Variants in STMND1 observed in about 807,000 individuals in gnomAD.
The protein encoded by STMND1 is stathmin domain-containing protein 1.
In STMND1, 17 loss-of-function variants were observed where a neutral mutation model predicts 23.0. The observed-to-expected ratio is 0.74, with a 90% CI of 0.51 to 1.11. STMND1 has a LOEUF of 1.11. STMND1 is among the 50% of genes least tolerant of loss of function. The probability of loss-of-function intolerance (pLI) is 0.00; values close to 1 mark genes in which losing one functional copy is unlikely to be tolerated. For synonymous variants in STMND1, 114 were observed against 119.9 expected, an observed-to-expected ratio of 0.95 and a Z score of 0.32; for missense variants, 305 against 329.1, an observed-to-expected ratio of 0.93 and a Z score of 0.57.
intron 3 of STMND1, 109 bp from the exon 4 acceptor site, chr6:17,129,003 G>T: frequency 8.4e-7 from 1 of 1,195,572 alleles, no homozygotes; most frequent in Non-Finnish European, 1.1e-6. Context: ...ATGAGCCACT[G>T]CACCCAGACT....
At chr6:17,127,494 G>A (rs947880666) in intron 3 of STMND1, among the ~76,000 whole-genome samples, 1 of 152,180 alleles carries the variant, frequency 6.6e-6, no homozygotes, top group Admixed American at 6.5e-5. Flanking sequence ...AGGTTGCAGT[G>A]AGCCAAGATC....
At chr6:17,115,372 T>TAAAAAAAAAAAAAAAAAAAAAAA (rs75171969) in intron 2 of STMND1, among the ~76,000 whole-genome samples, 1 of 116,102 alleles carries the variant, frequency 8.6e-6, no homozygotes, top group African/African-American at 3.3e-5. Context: ...GGACCATCTT[T>TAAAAAAAAAAAAAAAAAAAAAAA]AAAAAAAAAA....
intron 2 of STMND1, among the ~76,000 whole-genome samples, chr6:17,119,862 T>G (rs776450459): frequency 6.6e-6 from 1 of 152,204 alleles, no homozygotes. Context: ...AAAACTGTCT[T>G]TGGCCCAACA....
chr6:17,126,571 T>TA (rs1761309690), intron 3 of STMND1, among the ~76,000 whole-genome samples: 1 of 152,198 alleles, frequency 6.6e-6, no homozygotes, highest in Admixed American at 6.5e-5. Context: ...TGAACATCCC[T>TA]AAAAAATCAT....
chr6:17,120,082 G>T (rs1417674789), intron 2 of STMND1, among the ~76,000 whole-genome samples: 3 of 152,184 alleles, frequency 2.0e-5, no homozygotes, highest in African/African-American at 7.2e-5. Context: ...TTGGTTCAAA[G>T]ACTCTTTTCA....
chr6:17,130,303 GC>G (rs569015482), intron 4 of STMND1, among the ~76,000 whole-genome samples: 113 of 152,144 alleles, frequency 7.4e-4, no homozygotes, highest in African/African-American at 2.7e-3. Flanking sequence ...TTCACCAAGG[GC>G]CCCCACAGCC....
intron 2 of STMND1, among the ~76,000 whole-genome samples, chr6:17,116,129 C>T (rs568440738): frequency 5.3e-5 from 8 of 152,154 alleles, no homozygotes; most frequent in African/African-American, 1.9e-4. Context: ...GACTGCAGAG[C>T]GTCAGGCAGA....
At chr6:17,129,605 G>A (rs1761359123) in intron 4 of STMND1, among the ~76,000 whole-genome samples, 1 of 152,018 alleles carries the variant, frequency 6.6e-6, no homozygotes. Flanking sequence ...AGCACTTTGG[G>A]AGGCCGAGGC....
chr6:17,114,560 C>T (rs935456375), intron 1 of STMND1, among the ~76,000 whole-genome samples: 4 of 152,232 alleles, frequency 2.6e-5, no homozygotes, highest in African/African-American at 9.6e-5. Flanking sequence ...GCCACTGCGC[C>T]CGGCCACATT....
Position 17,131,209 on chromosome 6 carries a change from T to C in STMND1, c.*328T>C, listed in dbSNP as rs1761388629. 4.4e-6 allele frequency: 1 copy of C among 226,254 alleles called. No homozygotes were observed. The highest frequency in any genetic ancestry group is 2.3e-5 in the African/African-American group (1 of 44,220). 14.0% of individuals were successfully genotyped at this position (226,254 alleles called of 1,614,324 possible). A position where few individuals can be genotyped will look rare whatever the true frequency, so the allele number is the denominator to read the frequency against. On this transcript the variant is annotated 3_prime_UTR_variant, in exon 5 of 5. Coordinates refer to ENST00000536551, the MANE Select transcript of STMND1 (RefSeq NM_001190766.2). ...AATAAGTTCGTGCCAAATGAAATCC[T>C]TCCTGTTTACTCCTGCCTTGTGGCG...
At position 17,120,650 on chromosome 6, in the gene STMND1, G is replaced by A. The variant is rs1189840096; in HGVS notation, c.303G>A (p.Glu101=). ...NGLINKPQSL[E]SRERQKSSDI... ...TAATCAATAAACCCCAATCCCTAGAGAGTCGAGAGCGACAGAAGTCATCAG... is the reference window on the plus strand; with the variant it reads ...TAATCAATAAACCCCAATCCCTAGAAAGTCGAGAGCGACAGAAGTCATCAG... Residue 101 remains glutamate, a synonymous_variant, in exon 3 of 5, where the codon GAG becomes GAA. Coordinates refer to ENST00000536551, the MANE Select transcript of STMND1 (RefSeq NM_001190766.2). The A allele has an allele frequency of 8.5e-6, 13 of 1,535,048 alleles. No homozygotes were observed. The highest frequency in any genetic ancestry group is 1.1e-5 in the Non-Finnish European group (13 of 1,146,456).
chr6:17,129,267 G>C lies in STMND1; in HGVS notation c.543+24G>C, dbSNP rs1216162662. ...AGGTAGTGAGCTCTCAGATGCTCTA[G>C]GCTTGAGGAGTTCGCTGTCTGTTAA... On this transcript the variant is annotated intron_variant, in intron 4 of 4. Coordinates refer to ENST00000536551, the MANE Select transcript of STMND1 (RefSeq NM_001190766.2). 2.6e-6 allele frequency: 4 copies of C among 1,531,614 alleles called. No individual in the cohort carries two copies. The South Asian group carries it at 4.8e-5, about 18-fold the overall frequency. The allele number at this position is 1,531,614 out of a possible 1,614,324, so 94.9% of individuals were successfully genotyped here.
chr6:17,109,567 G>C (rs138407213), intron 1 of STMND1, among the ~76,000 whole-genome samples: 1,820 of 152,234 alleles, frequency 0.012, 40 homozygotes, highest in African/African-American at 0.042. Context: ...TTCATGACAA[G>C]GCCTTATTTT....
At chr6:17,117,039 A>G (rs1249896333) in intron 2 of STMND1, among the ~76,000 whole-genome samples, 1 of 152,068 alleles carries the variant, frequency 6.6e-6, no homozygotes, top group Admixed American at 6.6e-5. Context: ...TAATCACTAT[A>G]CAAGGATCAA....
intron 4 of STMND1, among the ~76,000 whole-genome samples, chr6:17,129,858 A>C (rs897869320): frequency 2.6e-5 from 4 of 151,672 alleles, no homozygotes; most frequent in Admixed American, 6.6e-5. Context: ...AAAAAGAAAA[A>C]AAAAATTGTT....
intron 1 of STMND1, among the ~76,000 whole-genome samples, chr6:17,111,184 T>C (rs1213880899): frequency 1.3e-5 from 2 of 152,188 alleles, no homozygotes; most frequent in Non-Finnish European, 2.9e-5. Context: ...CTAAATCACC[T>C]AGAGGCCATT....
Position 17,115,058 on chromosome 6 carries a change from C to T in STMND1, c.178C>T (p.Gln60Ter), listed in dbSNP as rs146229126. The change falls in exon 2 of 5, where the codon CAA (glutamine) becomes TAA (stop). Residue 60 changes from glutamine (Q) to a stop codon, truncating the protein, a stop_gained. Coordinates refer to ENST00000536551, the MANE Select transcript of STMND1 (RefSeq NM_001190766.2). LOFTEE classifies it high-confidence loss of function. ...NTVDIAEGLEQVQMGSLPGTI... is the reference protein window; with the variant it reads ...NTVDIAEGLE ...TGTGGACATTGCAGAAGGCCTGGAA[C>T]AAGTCCAGATGGGAAGCTTACCTGG... 47 of 1,536,026 alleles carry T rather than the reference C, an allele frequency of 3.1e-5. No homozygotes were observed. The African/African-American group carries it at 5.3e-4, about 17-fold the overall frequency.
chr6:17,126,584 T>C (rs1469522745), intron 3 of STMND1, among the ~76,000 whole-genome samples: 1 of 152,198 alleles, frequency 6.6e-6, no homozygotes, highest in East Asian at 1.9e-4. Context: ...AAAATCATTT[T>C]CTTGCTAATT....
At chr6:17,111,887 G>T (rs1455742007) in intron 1 of STMND1, among the ~76,000 whole-genome samples, 1 of 152,174 alleles carries the variant, frequency 6.6e-6, no homozygotes, top group Non-Finnish European at 1.5e-5. Flanking sequence ...CAGAAAAGCA[G>T]AGCAAGTTAG....
Sources: allele counts gnomAD v4.1 joint callset (sites outside exome capture counted in the v4.1 genomes callset), GRCh38; gene constraint gnomAD v4.1.1; transcripts MANE v1.5; gene names NCBI Gene and HGNC (gene_info 2026-07-23, HGNC 2026-07-21).